IRAG2: variants seen among roughly 807,000 people sequenced by gnomAD.
The protein encoded by IRAG2 is lymphoid restricted membrane protein.
IRAG2 carries 45 observed loss-of-function variants against 69.9 expected under a neutral mutation model. That is an observed-to-expected ratio of 0.64 (90% CI 0.51 to 0.83). The LOEUF is 0.83. IRAG2 is among the 40% of genes least tolerant of loss of function. IRAG2 has a pLI of 0.00. For missense variants in IRAG2, 520 were observed against 587.0 expected (o/e 0.89, Z 1.18); for synonymous variants, 193 against 202.4 (o/e 0.95, Z 0.40).
At chr12:25,102,586 G>T (rs1948818859) in intron 17 of IRAG2, 1 of 242,072 alleles carries the variant, frequency 4.1e-6, no homozygotes, top group South Asian at 6.4e-5. Context: ...CTTGGCTTCT[G>T]CCTCAGAGTC....
chr12:25,036,590 A>C (rs1591933516), exon 15 of IRAG2: 1 of 398,924 alleles, frequency 2.5e-6, no homozygotes, highest in Non-Finnish European at 4.4e-6. Flanking sequence ...TTCAGCACGA[A>C]GAAATTTCTA....
At chr12:25,082,397 A>G (rs1947275886) in intron 9 of IRAG2, among the ~76,000 whole-genome samples, 1 of 152,020 alleles carries the variant, frequency 6.6e-6, no homozygotes, top group Non-Finnish European at 1.5e-5. Context: ...TCAAGAGTTC[A>G]AGACCAGCCT....
intron 16 of IRAG2, among the ~76,000 whole-genome samples, chr12:25,039,110 T>C (rs1944726534): frequency 6.6e-6 from 1 of 152,214 alleles, no homozygotes. Context: ...GCTAGGACCA[T>C]ACTTAGCACT....
At chr12:25,089,972 C>A in intron 13 of IRAG2, 85 bp from the exon 14 acceptor site, 1 of 1,400,442 alleles carries the variant, frequency 7.1e-7, no homozygotes, top group Non-Finnish European at 1.0e-6. Context: ...AGAAATGCCT[C>A]AGTATAAAAC....
upstream of IRAG2, among the ~76,000 whole-genome samples, chr12:25,048,731 T>C (rs1175803571): frequency 1.3e-5 from 2 of 152,254 alleles, no homozygotes; most frequent in Non-Finnish European, 2.9e-5. Context: ...ACTCTGATGA[T>C]AGTTTATTTT....
At chr12:25,062,982 G>A in intron 3 of IRAG2, 82 bp downstream of exon 3, 1 of 398,262 alleles carries the variant, frequency 2.5e-6, no homozygotes, top group Middle Eastern at 6.3e-4. Context: ...AATCCAGTAT[G>A]TATCAGTAGT....
At chr12:25,023,850 A>G in intron 7 of IRAG2, 2 of 1,182,332 alleles carry the variant, frequency 1.7e-6, no homozygotes, top group Non-Finnish European at 2.1e-6. Flanking sequence ...TATTTTAATT[A>G]TTTTTCTCAC....
Position 25,108,241 on chromosome 12 carries a change from A to G in IRAG2, c.*181A>G. On this transcript the variant is annotated 3_prime_UTR_variant, in exon 22 of 22. Transcript: ENST00000556887. ...CCCAACTAAAATACAATGGGGAAGA[A>G]GTCTGCCTATGATCTTTGAATGAGC... 1 of 641,482 alleles carries G rather than the reference A, an allele frequency of 1.6e-6. No individual in the cohort carries two copies. Among genetic ancestry groups the G allele is most frequent in the South Asian group, 2.3e-5 (1 of 42,922 alleles). 39.7% of individuals were successfully genotyped at this position (641,482 alleles called of 1,614,324 possible). A position where few individuals can be genotyped will look rare whatever the true frequency, so the allele number is the denominator to read the frequency against.
At chr12:25,053,335 T>C (rs564898939) in intron 1 of IRAG2, among the ~76,000 whole-genome samples, 1 of 151,940 alleles carries the variant, frequency 6.6e-6, no homozygotes, top group Non-Finnish European at 1.5e-5. Context: ...CTAGTTTTTT[T>C]CCTCTCATAT....
At chr12:25,007,514 A>G (rs1246294910) in intron 2 of IRAG2, among the ~76,000 whole-genome samples, 1 of 152,038 alleles carries the variant, frequency 6.6e-6, no homozygotes, top group Non-Finnish European at 1.5e-5. Context: ...GTTGTCTGTT[A>G]AAGAAACCCA....
At chr12:25,068,597 C>T (rs752697393) in intron 5 of IRAG2, among the ~76,000 whole-genome samples, 2 of 152,124 alleles carry the variant, frequency 1.3e-5, no homozygotes, top group Non-Finnish European at 2.9e-5. Context: ...GGCAACCAGC[C>T]CCTCATCCTG....
At chr12:25,010,160 TC>T (rs1240942750) in intron 2 of IRAG2, among the ~76,000 whole-genome samples, 1 of 152,170 alleles carries the variant, frequency 6.6e-6, no homozygotes, top group Non-Finnish European at 1.5e-5. Context: ...CAGCTTGCTT[TC>T]CAGTTCTTCT....
chr12:25,077,242 A>ATATATATGATATATATG (rs1946779947), intron 6 of IRAG2, among the ~76,000 whole-genome samples: 1 of 87,446 alleles, frequency 1.1e-5, no homozygotes, highest in Non-Finnish European at 2.3e-5. Flanking sequence ...ATATATATGA[A>ATATATATGATATATATG]ATATATATAT....
At chr12:25,102,339 T>G in intron 17 of IRAG2, 98 bp downstream of exon 17, 2 of 880,546 alleles carry the variant, frequency 2.3e-6, no homozygotes, top group Non-Finnish European at 3.6e-6. Flanking sequence ...AATAACAAAA[T>G]AGTGATTTTA....
chr12:25,013,254 A>C (rs1034119296), intron 3 of IRAG2, among the ~76,000 whole-genome samples: 3 of 152,212 alleles, frequency 2.0e-5, no homozygotes, highest in Non-Finnish European at 2.9e-5. Flanking sequence ...AGGCGGGAGC[A>C]TCACCTGAGG....
At chr12:25,008,805 TC>T (rs1944452130) in intron 2 of IRAG2, among the ~76,000 whole-genome samples, 3 of 152,248 alleles carry the variant, frequency 2.0e-5, no homozygotes, top group East Asian at 3.9e-4. Context: ...TTCTTGGTCA[TC>T]CTTTTTTTTA....
chr12:25,106,003 T>A (rs751429068), intron 20 of IRAG2, among the ~76,000 whole-genome samples: 36 of 152,296 alleles, frequency 2.4e-4, no homozygotes, highest in South Asian at 4.1e-4. Flanking sequence ...CTTTAAATAA[T>A]ATGATTTGAT....
At chr12:25,014,123 C>A (rs1165194279) in intron 3 of IRAG2, among the ~76,000 whole-genome samples, 1 of 151,818 alleles carries the variant, frequency 6.6e-6, no homozygotes, top group African/African-American at 2.4e-5. Context: ...GATCTGCCCT[C>A]CTCTGCCTCC....
At chr12:25,008,177 T>C (rs574674449) in intron 2 of IRAG2, among the ~76,000 whole-genome samples, 1 of 152,238 alleles carries the variant, frequency 6.6e-6, no homozygotes, top group Non-Finnish European at 1.5e-5. Context: ...TCCTTCCTAA[T>C]GTATCACCTG....
Sources: allele counts gnomAD v4.1 joint callset (sites outside exome capture counted in the v4.1 genomes callset), GRCh38; gene constraint gnomAD v4.1.1; transcripts MANE v1.5; gene names NCBI Gene and HGNC (gene_info 2026-07-23, HGNC 2026-07-21).